The following TAFA2 variants were observed in gnomAD, a reference collection of about 807,000 sequenced individuals.
TAFA2 encodes chemokine-like protein TAFA-2.
A neutral mutation model predicts 18.8 loss-of-function variants in TAFA2; 7 were observed. The ratio of observed to expected loss-of-function variants is 0.37; its 90% CI spans 0.21 to 0.70. The LOEUF (loss-of-function observed/expected upper bound fraction) is 0.70, where lower values mean the gene tolerates loss of function less well. Among genes scored for constraint, TAFA2 ranks in the 30% least tolerant of loss-of-function variants. The pLI is 0.53. For synonymous variants in TAFA2, 60 were observed against 54.2 expected, an observed-to-expected ratio of 1.11 and a Z score of -0.47; for missense variants, 122 against 158.1, an observed-to-expected ratio of 0.77 and a Z score of 1.23.
intron 1 of TAFA2, among the ~76,000 whole-genome samples, chr12:62,081,093 G>T (rs1169030197): frequency 6.6e-6 from 1 of 151,042 alleles, no homozygotes; most frequent in South Asian, 2.1e-4. Context: ...TACTCGGGAG[G>T]CTGAGGCAGG....
intron 1 of TAFA2, among the ~76,000 whole-genome samples, chr12:61,995,011 T>C (rs942709231): frequency 2.0e-5 from 3 of 152,304 alleles, no homozygotes; most frequent in Non-Finnish European, 4.4e-5. Flanking sequence ...TGTCTCATAT[T>C]TCTCCAATTA....
intron 1 of TAFA2, among the ~76,000 whole-genome samples, chr12:61,888,795 G>T (rs560120714): frequency 1.3e-5 from 2 of 152,204 alleles, no homozygotes; most frequent in Admixed American, 6.5e-5. Flanking sequence ...TGTGGTAATT[G>T]CCAGATTCTT....
At chr12:61,710,529 A>G (rs1869349543) in intron 4 of TAFA2, 112 bp from the exon 5 acceptor site, 10 of 786,754 alleles carry the variant, frequency 1.3e-5, no homozygotes, top group Non-Finnish European at 2.1e-5. Flanking sequence ...TTGCTATATC[A>G]AATGCATTAC....
intron 2 of TAFA2, among the ~76,000 whole-genome samples, chr12:61,803,907 G>C (rs1369433572): frequency 6.6e-6 from 1 of 151,862 alleles, no homozygotes; most frequent in Non-Finnish European, 1.5e-5. Flanking sequence ...AATGACAATA[G>C]CTATAATTTA....
chr12:61,972,305 TAAA>T (rs35399389), intron 1 of TAFA2, among the ~76,000 whole-genome samples: 11 of 143,730 alleles, frequency 7.7e-5, no homozygotes, highest in Non-Finnish European at 7.6e-5. Context: ...AGTTGAACCT[TAAA>T]AAAAAAAAAA....
At chr12:62,258,315 C>A (rs772424350) in intron 1 of TAFA2, 1 of 152,160 alleles carries the variant, frequency 6.6e-6, no homozygotes, top group African/African-American at 2.4e-5. Flanking sequence ...TGAATTTACA[C>A]GTCTATATCC....
At chr12:62,234,125 A>AT (rs2062824764) in intron 1 of TAFA2, among the ~76,000 whole-genome samples, 1 of 152,204 alleles carries the variant, frequency 6.6e-6, no homozygotes, top group African/African-American at 2.4e-5. Context: ...CCAATGGTAT[A>AT]TGTCCAAGAA....
chr12:61,763,918 T>A (rs1869671869), intron 2 of TAFA2, among the ~76,000 whole-genome samples: 1 of 151,682 alleles, frequency 6.6e-6, no homozygotes, highest in Admixed American at 6.6e-5. Context: ...ATTGGCCCCC[T>A]TTTTTTTCGT....
intron 1 of TAFA2, among the ~76,000 whole-genome samples, chr12:61,937,139 G>C (rs1292834955): frequency 6.6e-6 from 1 of 152,112 alleles, no homozygotes; most frequent in Non-Finnish European, 1.5e-5. Flanking sequence ...AAAAAACACT[G>C]CTGAAAGAAA....
chr12:61,899,440 G>A (rs1875999864), intron 1 of TAFA2, among the ~76,000 whole-genome samples: 2 of 152,196 alleles, frequency 1.3e-5, no homozygotes, highest in Non-Finnish European at 2.9e-5. Flanking sequence ...GAGGCCTCAG[G>A]AAACTTACTA....
intron 2 of TAFA2, among the ~76,000 whole-genome samples, chr12:61,842,460 G>C (rs775398302): frequency 3.3e-5 from 5 of 151,760 alleles, no homozygotes; most frequent in Admixed American, 6.6e-5. Flanking sequence ...CAAATTCCAA[G>C]CAATGAATTG....
At chr12:62,167,878 G>C (rs1006344142) in intron 1 of TAFA2, among the ~76,000 whole-genome samples, 2 of 152,116 alleles carry the variant, frequency 1.3e-5, no homozygotes, top group African/African-American at 4.8e-5. Flanking sequence ...AACCCAACTT[G>C]AAAAGATGCT....
chr12:61,999,598 G>C (rs1880312939), intron 1 of TAFA2, among the ~76,000 whole-genome samples: 1 of 152,108 alleles, frequency 6.6e-6, no homozygotes, highest in Non-Finnish European at 1.5e-5. Context: ...GTTCTGTAGA[G>C]AACAATTTGA....
intron 2 of TAFA2, among the ~76,000 whole-genome samples, chr12:61,787,501 C>T (rs1478574524): frequency 2.6e-5 from 4 of 151,548 alleles, no homozygotes; most frequent in Admixed American, 2.0e-4. Context: ...ACTGCAGCTA[C>T]AATTAGTTGT....
At chr12:62,047,452 T>A (rs914017579) in intron 1 of TAFA2, among the ~76,000 whole-genome samples, 1 of 152,182 alleles carries the variant, frequency 6.6e-6, no homozygotes. Context: ...TAATATAAAT[T>A]TATTACTTCT....
intron 2 of TAFA2, among the ~76,000 whole-genome samples, chr12:61,785,000 A>G (rs952613593): frequency 6.6e-6 from 1 of 151,492 alleles, no homozygotes; most frequent in African/African-American, 2.4e-5. Context: ...TTGAAACTAT[A>G]TAATATATTA....
intron 1 of TAFA2, among the ~76,000 whole-genome samples, chr12:61,935,882 A>G (rs1483803000): frequency 6.6e-6 from 1 of 152,104 alleles, no homozygotes; most frequent in East Asian, 1.9e-4. Context: ...AAACAAAAAG[A>G]TCTCTGGACC....
intron 1 of TAFA2, among the ~76,000 whole-genome samples, chr12:62,114,460 T>A (rs899675036): frequency 6.6e-6 from 1 of 152,242 alleles, no homozygotes; most frequent in African/African-American, 2.4e-5. Flanking sequence ...GGTCCCCTCA[T>A]AAAACTTTTG....
chr12:61,876,878 C>T (rs192707749), intron 1 of TAFA2, among the ~76,000 whole-genome samples: 99 of 152,218 alleles, frequency 6.5e-4, no homozygotes, highest in Non-Finnish European at 1.0e-3. Flanking sequence ...TGTGCACTAG[C>T]GTTAAATCCC....
Sources: gnomAD v4.1 joint callset for allele counts (sites outside exome capture counted in the v4.1 genomes callset) on GRCh38, gnomAD v4.1.1 for gene constraint, MANE v1.5 for transcripts, NCBI Gene and HGNC (gene_info 2026-07-23, HGNC 2026-07-21) for gene names.